The following CEACAM3 variants were observed in gnomAD, a reference collection of about 807,000 sequenced individuals.
CEACAM3 encodes the protein CEA cell adhesion molecule 3.
CEACAM3 carries 32 observed loss-of-function variants against 30.1 expected under a neutral mutation model. The observed-to-expected ratio is 1.06, with a 90% CI of 0.80 to 1.43. The LOEUF is 1.43. CEACAM3 is among the 40% of genes most tolerant of loss of function. The pLI, the probability that CEACAM3 is intolerant of heterozygous loss-of-function variation, is 0.00. For missense variants in CEACAM3, 290 were observed against 316.3 expected (o/e 0.92, Z 0.63); for synonymous variants, 134 against 127.2 (o/e 1.05, Z -0.36).
At chr19:41,809,051 C>T in intron 3 of CEACAM3, 121 bp downstream of exon 3, 2 of 705,364 alleles carry the variant, frequency 2.8e-6, no homozygotes, top group Non-Finnish European at 4.7e-6. Context: ...CCCAGGGATC[C>T]TTCCCTCTTA....
At chr19:41,810,466 C>T (rs1477657050) in intron 5 of CEACAM3, 112 bp downstream of exon 5, 14 of 1,251,756 alleles carry the variant, frequency 1.1e-5, no homozygotes, top group African/African-American at 4.5e-5. Flanking sequence ...CCCCAAAACA[C>T]ACAGGACAAG....
At chr19:41,799,960 G>A (rs1390619007) in intron 2 of CEACAM3, among the ~76,000 whole-genome samples, 1 of 152,090 alleles carries the variant, frequency 6.6e-6, no homozygotes, top group African/African-American at 2.4e-5. Context: ...CTGTGGGAAG[G>A]TTTTCAGGTC....
intron 1 of CEACAM3, 71 bp from the exon 2 acceptor site, chr19:41,797,518 A>G: frequency 6.5e-7 from 1 of 1,546,908 alleles, no homozygotes; most frequent in Non-Finnish European, 8.7e-7. Flanking sequence ...AGACTCTCTC[A>G]GGACCCAGGG....
intron 2 of CEACAM3, among the ~76,000 whole-genome samples, chr19:41,801,098 C>T (rs2073142877): frequency 1.3e-5 from 2 of 152,188 alleles, no homozygotes; most frequent in Admixed American, 1.3e-4. Flanking sequence ...TCTGCTACCC[C>T]TTGTCCCTTA....
At chr19:41,803,783 A>G (rs1233391246) in intron 2 of CEACAM3, among the ~76,000 whole-genome samples, 2 of 90,674 alleles carry the variant, frequency 2.2e-5, no homozygotes, top group Non-Finnish European at 5.7e-5. Context: ...GCAAAGCTTT[A>G]AAAGAGTGGG....
At position 41,797,591 on chromosome 19, in the gene CEACAM3, T is replaced by A; in HGVS notation, c.67T>A (p.Ser23Thr). 1 of 1,612,604 alleles carries A rather than the reference T, an allele frequency of 6.2e-7. No individual in the cohort carries two copies. The highest frequency in any genetic ancestry group is 8.5e-7 in the Non-Finnish European group (1 of 1,179,010). ...GACTGATGCTTTCTCCCTCCTAGCC[T>A]CACTTCTAAACTTCTGGAACCCGCC... is the stretch of plus-strand genomic sequence containing the variant. ...IPWQGLLLTA[S>T]LLNFWNPPTT... Residue 23 changes from serine (S) to threonine (T), a missense_variant and splice_region_variant, in exon 2 of 7, where the codon TCA becomes ACA. By Grantham distance (58) the Ser-to-Thr change is moderately conservative. Transcript: ENST00000357396.
At chr19:41,808,038 A>G (rs1555827038) in intron 2 of CEACAM3, among the ~76,000 whole-genome samples, 1 of 152,168 alleles carries the variant, frequency 6.6e-6, no homozygotes, top group African/African-American at 2.4e-5. Flanking sequence ...TGCTAAGTGG[A>G]TCCCTGGAGC....
rs1213639356 is a variant in CEACAM3, at chr19:41,811,474, G to A, written c.*237G>A. On this transcript the variant is annotated 3_prime_UTR_variant, in exon 7 of 7. Coordinates refer to ENST00000357396, the MANE Select transcript of CEACAM3 (RefSeq NM_001815.5). ...CCTCTCATCACCGCAGAAAGCGGGGGCTTGCAGGGAAAGTGAATGGGCCTG... is the reference window on the plus strand; with the variant it reads ...CCTCTCATCACCGCAGAAAGCGGGGACTTGCAGGGAAAGTGAATGGGCCTG... The A allele has an allele frequency of 4.6e-5, 24 of 517,624 alleles. No individual in the cohort carries two copies. The South Asian group carries it at 5.9e-4, about 13-fold the overall frequency. 32.1% of individuals were successfully genotyped at this position (517,624 alleles called of 1,614,324 possible).
At chr19:41,810,515 G>T (rs1465153485) in intron 5 of CEACAM3, among the ~76,000 whole-genome samples, 161 bp downstream of exon 5, 3 of 151,962 alleles carry the variant, frequency 2.0e-5, no homozygotes, top group African/African-American at 7.3e-5. Flanking sequence ...CCTCCCTACA[G>T]GGTCAGGACC....
chr19:41,803,297 C>T (rs1232317206), intron 2 of CEACAM3, among the ~76,000 whole-genome samples: 1 of 152,078 alleles, frequency 6.6e-6, no homozygotes. Context: ...AGAAACCCTC[C>T]TGTAAGGTAA....
chr19:41,807,326 G>A (rs1214357426), intron 2 of CEACAM3: 24 of 1,607,720 alleles, frequency 1.5e-5, no homozygotes, highest in East Asian at 2.2e-5. Context: ...AGGACCCTAT[G>A]AGTGTGAAAT....
intron 2 of CEACAM3, among the ~76,000 whole-genome samples, chr19:41,798,247 A>G (rs2073120105): frequency 6.6e-6 from 1 of 152,152 alleles, no homozygotes; most frequent in Non-Finnish European, 1.5e-5. Context: ...TGACCCTAAG[A>G]AAGACCCTGG....
Position 41,803,458 on chromosome 19 carries a change from GT to G in CEACAM3, c.425-5353del, listed in dbSNP as rs1449750139. Among the ~76,000 whole-genome samples, 1,052 of 126,406 alleles carry G rather than the reference GT, an allele frequency of 8.3e-3. 16 individuals carry two copies. Among genetic ancestry groups the G allele is most frequent in the African/African-American group, 0.024 (858 of 36,414 alleles). 82.9% of individuals were successfully genotyped at this position (126,406 alleles called of 152,430 possible). ...TGTGTGTGTGTGTGTGTGTGTGTGT[GT>G]TGTTTTGTTTGTTTTTTTTTTTTTT... is the stretch of plus-strand genomic sequence containing the variant. On this transcript the variant is annotated intron_variant, in intron 2 of 6. Transcript: ENST00000357396.
chr19:41,809,334 C>T (rs111497020), intron 3 of CEACAM3: 489 of 180,838 alleles, frequency 2.7e-3, no homozygotes, highest in African/African-American at 0.011. Flanking sequence ...TCCTGGGCAC[C>T]GTCACACAAT....
chr19:41,811,125 G>A (rs1555827573), intron 6 of CEACAM3, 47 bp from the exon 7 acceptor site: 1 of 1,597,826 alleles, frequency 6.3e-7, no homozygotes, highest in South Asian at 1.1e-5. Context: ...GCCACACCCT[G>A]TTCTGAGGAG....
chr19:41,798,412 T>G (rs1214582626), intron 2 of CEACAM3, among the ~76,000 whole-genome samples: 3 of 152,156 alleles, frequency 2.0e-5, no homozygotes, highest in African/African-American at 7.2e-5. Flanking sequence ...CAGGGCTGAG[T>G]GAGGCCTCCT....
chr19:41,810,900 G>A lies in CEACAM3; in HGVS notation c.693+3G>A, dbSNP rs782473952. On this transcript the variant is annotated splice_donor_region_variant and intron_variant, in intron 6 of 6. Transcript: ENST00000357396. ...GGACAGCAGCTTCCATCTATGAGGT[G>A]AGTGTGGGCCACGGATGTTCTGGTC... 4.3e-6 allele frequency: 7 copies of A among 1,613,264 alleles called. No homozygotes were observed. Among genetic ancestry groups the A allele is most frequent in the African/African-American group, 4.0e-5 (3 of 74,862 alleles).
At chr19:41,810,710 G>A (rs1568744608) in intron 5 of CEACAM3, 122 bp from the exon 6 acceptor site, 1 of 929,966 alleles carries the variant, frequency 1.1e-6, no homozygotes, top group Admixed American at 2.0e-5. Flanking sequence ...TGAGCTCAGG[G>A]GCAGAGCTGG....
intron 1 of CEACAM3, chr19:41,797,117 C>T: frequency 4.1e-6 from 1 of 244,608 alleles, no homozygotes; most frequent in East Asian, 9.1e-5. Context: ...CCAGTATTTG[C>T]AATCAAATTT....
Sources: gnomAD v4.1 joint callset for allele counts (sites outside exome capture counted in the v4.1 genomes callset) on GRCh38, gnomAD v4.1.1 for gene constraint, MANE v1.5 for transcripts, NCBI Gene and HGNC (gene_info 2026-07-23, HGNC 2026-07-21) for gene names.